The following LUC7L3 variants were observed in gnomAD, a reference collection of about 807,000 sequenced individuals.
LUC7L3 encodes LUC7 like 3 pre-mRNA splicing factor.
A neutral mutation model predicts 66.8 loss-of-function variants in LUC7L3; 6 were observed. The observed-to-expected ratio is 0.09, with a 90% CI of 0.05 to 0.18. LUC7L3 has a LOEUF of 0.18. Ranked by LOEUF, LUC7L3 falls within the 10% of genes least tolerant of loss-of-function variation. LUC7L3 has a pLI of 1.00. For synonymous variants in LUC7L3, 160 were observed against 174.7 expected (o/e 0.92, Z 0.66); for missense variants, 341 against 531.1 (o/e 0.64, Z 3.52).
Position 50,746,664 on chromosome 17 carries a change from G to A in LUC7L3, c.1100G>A (p.Ser367Asn). 6.2e-7 allele frequency: 1 copy of A among 1,614,064 alleles called. No individual in the cohort carries two copies. Among genetic ancestry groups the A allele is most frequent in the Non-Finnish European group, 8.5e-7 (1 of 1,179,948 alleles). ...DRKSYKHRSK[S>N]RDREQDRKSK... ...AAGTCATATAAGCACAGGAGCAAAA[G>A]TCGGGACAGAGAACAAGATAGAAAA... Residue 367 changes from serine to asparagine, a missense_variant, in exon 9 of 10, where the codon AGT (serine) becomes AAT (asparagine). Physicochemically the swap from Ser to Asn is conservative, Grantham distance 46. Transcript: ENST00000505658.
chr17:50,751,162 G>A lies in LUC7L3; in HGVS notation c.*501G>A. The A allele has an allele frequency of 5.4e-6, 8 of 1,481,862 alleles. No homozygotes were observed. Among genetic ancestry groups the A allele is most frequent in the South Asian group, 1.3e-5 (1 of 77,578 alleles). 91.8% of individuals were successfully genotyped at this position (1,481,862 alleles called of 1,614,324 possible). On this transcript the variant is annotated 3_prime_UTR_variant, in exon 10 of 10. Coordinates refer to ENST00000505658, the MANE Select transcript of LUC7L3 (RefSeq NM_016424.5). ...TAAACTGCTAGTATTTCTTTGTCAA[G>A]GATGTTTCTAGTTTTTTGCTTTATT...
rs1970644788 is a variant in LUC7L3, at chr17:50,746,020, C to A, written c.977+17C>A. On this transcript the variant is annotated intron_variant, in intron 8 of 9. Transcript: ENST00000505658. The stretch of plus-strand genomic sequence containing the variant: ...GCGGAGCAGGTATATATAAAACACC[C>A]TAAGACTGTCCAGCTCATAATGGGT... 1 of 1,572,826 alleles carries A rather than the reference C, an allele frequency of 6.4e-7. No individual in the cohort carries two copies. The highest frequency in any genetic ancestry group is 1.2e-5 in the South Asian group (1 of 82,818).
chr17:50,733,130 A>G (rs1046315863), intron 1 of LUC7L3, among the ~76,000 whole-genome samples: 1 of 152,258 alleles, frequency 6.6e-6, no homozygotes, highest in Admixed American at 6.5e-5. Flanking sequence ...TGAAAACAAT[A>G]AAATTAATCT....
chr17:50,743,379 T>C (rs1210401592), intron 5 of LUC7L3, among the ~76,000 whole-genome samples: 2 of 151,812 alleles, frequency 1.3e-5, no homozygotes, highest in Non-Finnish European at 2.9e-5. Flanking sequence ...TTTTTTTTTA[T>C]ATTTTTAGTA....
chr17:50,744,852 T>C (rs1597934074), intron 7 of LUC7L3, 39 bp downstream of exon 7: 1 of 1,572,598 alleles, frequency 6.4e-7, no homozygotes, highest in Non-Finnish European at 8.7e-7. Context: ...ATTCTTGCTC[T>C]GTCACCTAGA....
rs1971001483 is a variant in LUC7L3 at position 50,752,136 on chromosome 17, C to G, written c.*1475C>G. ...CAGTTAGTGACTGGGCCAACACTTT[C>G]TCATAAAAATTGGCCTTTTACATGT... On this transcript the variant is annotated 3_prime_UTR_variant, in exon 10 of 10. Transcript: ENST00000505658. 7.9e-7 allele frequency: 1 copy of G among 1,272,544 alleles called. No homozygotes were observed. The highest frequency in any genetic ancestry group is 1.0e-6 in the Non-Finnish European group (1 of 982,042). 78.8% of individuals were successfully genotyped at this position (1,272,544 alleles called of 1,614,324 possible).
intron 9 of LUC7L3, 126 bp from the exon 10 acceptor site, chr17:50,750,375 A>G (rs1056491018): frequency 1.1e-6 from 1 of 870,876 alleles, no homozygotes; most frequent in Admixed American, 2.8e-5. Flanking sequence ...AAATTCACCA[A>G]ACCGTTGCTT....
intron 1 of LUC7L3, among the ~76,000 whole-genome samples, chr17:50,720,252 T>C (rs1567851595): frequency 6.6e-6 from 1 of 152,248 alleles, no homozygotes; most frequent in East Asian, 1.9e-4. Context: ...CGTGGCGGTA[T>C]TTTATTTAAG....
At chr17:50,728,116 C>A (rs1165686318) in intron 1 of LUC7L3, among the ~76,000 whole-genome samples, 38 of 128,562 alleles carry the variant, frequency 3.0e-4, no homozygotes, top group East Asian at 1.3e-3. Flanking sequence ...AGATCTGTCT[C>A]AAAAAAAAAA....
intron 9 of LUC7L3, among the ~76,000 whole-genome samples, chr17:50,749,690 T>C (rs978510708): frequency 6.6e-6 from 1 of 152,160 alleles, no homozygotes; most frequent in Admixed American, 6.5e-5. Flanking sequence ...TTCCAGAAAG[T>C]TTCTAGTTGG....
intron 2 of LUC7L3, among the ~76,000 whole-genome samples, chr17:50,738,869 C>T (rs1055372): frequency 6.6e-6 from 1 of 151,922 alleles, no homozygotes; most frequent in Non-Finnish European, 1.5e-5. Context: ...CATACCTAGG[C>T]ATACCCCTGT....
chr17:50,750,603 A>T lies in LUC7L3; in HGVS notation c.1241A>T (p.Asn414Ile). ...GAATCGAAGGAAAGTGATACTAAGAATGAGGTCAATGGGACCAGTGAAGAC... is the reference window on the plus strand; with the variant it reads ...GAATCGAAGGAAAGTGATACTAAGATTGAGGTCAATGGGACCAGTGAAGAC... Reference protein sequence around the residue: ...NTESKESDTKNEVNGTSEDIK... With the variant: ...NTESKESDTKIEVNGTSEDIK... Residue 414 changes from asparagine (N) to isoleucine (I), a missense_variant, in exon 10 of 10, where the codon AAT becomes ATT. Transcript: ENST00000505658. 1 of 1,614,132 alleles carries T rather than the reference A, an allele frequency of 6.2e-7. No individual in the cohort carries two copies.
At chr17:50,733,004 T>G (rs1005042440) in intron 1 of LUC7L3, among the ~76,000 whole-genome samples, 3 of 152,212 alleles carry the variant, frequency 2.0e-5, no homozygotes, top group African/African-American at 7.2e-5. Flanking sequence ...GAGATGTGTT[T>G]ATTCGTTTTT....
At chr17:50,748,200 A>G (rs145225528) in intron 9 of LUC7L3, among the ~76,000 whole-genome samples, 39 of 152,356 alleles carry the variant, frequency 2.6e-4, no homozygotes, top group Admixed American at 6.5e-4. Context: ...TGAGTAGTAA[A>G]TGACACTGGC....
chr17:50,743,976 C>T (rs1970509352), intron 6 of LUC7L3, among the ~76,000 whole-genome samples, 166 bp downstream of exon 6: 1 of 152,240 alleles, frequency 6.6e-6, no homozygotes, highest in South Asian at 2.1e-4. Flanking sequence ...GTGCAGTATG[C>T]AAGCAACTTT....
chr17:50,746,439 G>T, intron 8 of LUC7L3, 103 bp from the exon 9 acceptor site: 1 of 978,572 alleles, frequency 1.0e-6, no homozygotes, highest in African/African-American at 1.6e-5. Flanking sequence ...ATATGTTTTA[G>T]AGGGTAAGTT....
rs1464490077 is a variant in LUC7L3, at chr17:50,753,110, T to A, written c.*2449T>A. The A allele has an allele frequency of 1.3e-5, 2 of 152,048 alleles. No homozygotes were observed. Among genetic ancestry groups the A allele is most frequent in the African/African-American group, 4.8e-5 (2 of 41,400 alleles). 9.4% of individuals were successfully genotyped at this position (152,048 alleles called of 1,614,324 possible). ...TGTAGTATATATGGCAAGGGTTTTT[T>A]CCCCCCACTTAAGTGATTATTTTTG... On this transcript the variant is annotated 3_prime_UTR_variant, in exon 10 of 10. Coordinates refer to ENST00000505658, the MANE Select transcript of LUC7L3 (RefSeq NM_016424.5).
At chr17:50,728,165 T>A (rs1326262779) in intron 1 of LUC7L3, among the ~76,000 whole-genome samples, 1 of 152,076 alleles carries the variant, frequency 6.6e-6, no homozygotes, top group African/African-American at 2.4e-5. Context: ...AAGTTTAGAT[T>A]TTATTACATT....
intron 1 of LUC7L3, among the ~76,000 whole-genome samples, 191 bp downstream of exon 1, chr17:50,720,022 G>C (rs1033443081): frequency 6.6e-6 from 1 of 152,232 alleles, no homozygotes; most frequent in Non-Finnish European, 1.5e-5. Context: ...TGGTTTTGTT[G>C]TTCTAGTATC....
Sources: gnomAD v4.1 joint callset for allele counts (sites outside exome capture counted in the v4.1 genomes callset) on GRCh38, gnomAD v4.1.1 for gene constraint, MANE v1.5 for transcripts, NCBI Gene and HGNC (gene_info 2026-07-23, HGNC 2026-07-21) for gene names.